SYNPO2: variants seen among roughly 807,000 people sequenced by gnomAD.
The protein encoded by SYNPO2 is synaptopodin-2.
Under a neutral mutation model 85.0 loss-of-function variants are expected in SYNPO2, and 56 were observed. The observed-to-expected ratio is 0.66, with a 90% CI of 0.53 to 0.82. SYNPO2 has a LOEUF of 0.82. Ranked by LOEUF, SYNPO2 falls within the 40% of genes least tolerant of loss-of-function variation. The pLI is 0.00. For missense variants in SYNPO2, 1,575 were observed against 1,534.2 expected (o/e 1.03, Z -0.44); for synonymous variants, 602 against 591.1 (o/e 1.02, Z -0.27).
intron 1 of SYNPO2, among the ~76,000 whole-genome samples, chr4:118,862,535 A>T (rs1202616771): frequency 1.3e-5 from 2 of 152,200 alleles, no homozygotes; most frequent in Non-Finnish European, 2.9e-5. Flanking sequence ...TTTATCATGA[A>T]GGGATGTTGA....
At chr4:119,006,063 AAGCTGCAGCT>A (rs1208028330) in intron 1 of SYNPO2, 1 of 153,116 alleles carries the variant, frequency 6.5e-6, no homozygotes, top group Admixed American at 6.5e-5. Flanking sequence ...TAGCAACAGG[AAGCTGCAGCT>A]CACCCAGGCC....
chr4:119,010,805 T>C (rs577998526), intron 1 of SYNPO2, among the ~76,000 whole-genome samples: 95 of 152,182 alleles, frequency 6.2e-4, no homozygotes, highest in Non-Finnish European at 1.1e-3. Context: ...TCAGTTAATA[T>C]ATAGTATAAT....
rs202207169 is a variant in SYNPO2 at position 119,026,870 on chromosome 4, T to C, written c.501T>C (p.Ala167=). The change falls in exon 3 of 5, where the codon GCT becomes GCC. Residue 167 remains alanine, a synonymous_variant. Coordinates refer to ENST00000307142, the MANE Select transcript of SYNPO2 (RefSeq NM_133477.3). ...KEETGPSYQR[A]PQMPDSQRGR... Reference sequence around the variant, plus strand: ...AAACAGGCCCGAGCTACCAAAGGGCTCCCCAAATGCCTGACTCCCAAAGAG... The same window carrying C: ...AAACAGGCCCGAGCTACCAAAGGGCCCCCCAAATGCCTGACTCCCAAAGAG... 1.2e-6 allele frequency: 2 copies of C among 1,613,918 alleles called. No individual in the cohort carries two copies. Among genetic ancestry groups the C allele is most frequent in the Middle Eastern group, 1.6e-4 (1 of 6,062 alleles).
At chr4:118,954,651 G>A (rs1209356236) in intron 1 of SYNPO2, among the ~76,000 whole-genome samples, 1 of 94,876 alleles carries the variant, frequency 1.1e-5, no homozygotes, top group African/African-American at 3.4e-5. Context: ...AAATCGACTG[G>A]TTAGTTGATC....
intron 4 of SYNPO2, chr4:119,042,834 G>T (rs1304296661): frequency 6.6e-6 from 1 of 152,194 alleles, no homozygotes; most frequent in Non-Finnish European, 1.5e-5. Flanking sequence ...AAAACTTTGA[G>T]GCACTAAAGT....
chr4:118,987,556 T>A (rs887797323), intron 1 of SYNPO2, among the ~76,000 whole-genome samples: 1 of 151,874 alleles, frequency 6.6e-6, no homozygotes, highest in African/African-American at 2.4e-5. Context: ...TCCCAGATAT[T>A]TGGGAGGCTA....
rs551284841 is a variant in SYNPO2, at chr4:119,034,971, C to A, written c.3252+2944C>A. On this transcript the variant is annotated intron_variant, in intron 4 of 4. Coordinates refer to ENST00000307142, the MANE Select transcript of SYNPO2 (RefSeq NM_133477.3). Reference sequence around the variant, plus strand: ...GGCAGTTTTTGTTTAGTTTTTAGGACTTTGCCTCTTCCTTTGTCCTTAGCA... The same window carrying A: ...GGCAGTTTTTGTTTAGTTTTTAGGAATTTGCCTCTTCCTTTGTCCTTAGCA... 10 of 985,410 alleles carry A rather than the reference C, an allele frequency of 1.0e-5. No homozygotes were observed. In the Admixed American group the frequency reaches 5.5e-4, roughly 54 times the overall value. The allele number at this position is 985,410 out of a possible 1,614,324, so 61.0% of individuals were successfully genotyped here.
chr4:119,050,269 T>G (rs1010056269), intron 4 of SYNPO2, among the ~76,000 whole-genome samples: 1 of 151,656 alleles, frequency 6.6e-6, no homozygotes, highest in African/African-American at 2.4e-5. Context: ...GAGGCAGAGG[T>G]TGCAGTGAGC....
chr4:118,964,883 AC>A (rs1335417123), intron 1 of SYNPO2, among the ~76,000 whole-genome samples: 2 of 152,336 alleles, frequency 1.3e-5, no homozygotes, highest in East Asian at 3.9e-4. Context: ...TATGTGGAAT[AC>A]ATAGTGTGTC....
intron 4 of SYNPO2, chr4:119,037,705 T>C (rs1008053723): frequency 9.4e-6 from 9 of 961,216 alleles, no homozygotes; most frequent in African/African-American, 1.8e-5. Flanking sequence ...TTTACATAAG[T>C]TTTGATAATA....
chr4:119,024,864 A>C (rs1434893223), intron 2 of SYNPO2, among the ~76,000 whole-genome samples: 4 of 152,174 alleles, frequency 2.6e-5, no homozygotes. Flanking sequence ...TCAGTAGAGG[A>C]CAAGTGTTTT....
At position 118,988,679 on chromosome 4, in the gene SYNPO2, T is replaced by C. The variant is rs144544387; in HGVS notation, c.106-34751T>C. 4.3e-3 allele frequency among the ~76,000 whole-genome samples: 653 copies of C among 152,328 alleles called. 5 individuals are homozygous for C. The highest frequency in any genetic ancestry group is 9.9e-3 in the South Asian group (48 of 4,828). On this transcript the variant is annotated intron_variant, in intron 1 of 4. Coordinates refer to ENST00000307142, the MANE Select transcript of SYNPO2 (RefSeq NM_133477.3). ...AGCTTTCATTTTGGGAGGAATTCAA[T>C]TGACATTATGATGAGGAGTTTCAGG...
At chr4:118,910,422 A>G (rs1302812343) in intron 1 of SYNPO2, among the ~76,000 whole-genome samples, 1 of 152,170 alleles carries the variant, frequency 6.6e-6, no homozygotes, top group Admixed American at 6.5e-5. Context: ...GGGAATTTCC[A>G]TTTTTACAGC....
At chr4:118,890,167 G>GTT (rs397958530) in intron 1 of SYNPO2, among the ~76,000 whole-genome samples, 1 of 134,766 alleles carries the variant, frequency 7.4e-6, no homozygotes, top group Admixed American at 7.4e-5. Flanking sequence ...TGCCTTTTAC[G>GTT]TTTTTTTTTT....
chr4:118,874,864 T>TC (rs1426538558), intron 1 of SYNPO2, among the ~76,000 whole-genome samples: 3 of 152,216 alleles, frequency 2.0e-5, no homozygotes, highest in African/African-American at 7.2e-5. Flanking sequence ...TGTAGTTTTT[T>TC]CCAACTTTTT....
At chr4:118,880,002 G>T (rs775633060) in intron 1 of SYNPO2, among the ~76,000 whole-genome samples, 1 of 152,038 alleles carries the variant, frequency 6.6e-6, no homozygotes, top group Non-Finnish European at 1.5e-5. Flanking sequence ...TCTCTCAACG[G>T]TGCTCCCCTT....
rs1553945968 is a variant in SYNPO2 at position 119,007,263 on chromosome 4, T to TATATGTATATACATATATATGTATATAC, written c.106-16163_106-16162insGTATATACATATATATGTATATACATAT. Among the ~76,000 whole-genome samples the TATATGTATATACATATATATGTATATAC allele has an allele frequency of 2.9e-3, 226 of 77,774 alleles. 12 individuals are homozygous for TATATGTATATACATATATATGTATATAC. Among genetic ancestry groups the TATATGTATATACATATATATGTATATAC allele is most frequent in the South Asian group, 0.021 (51 of 2,456 alleles). 51.0% of individuals were successfully genotyped at this position (77,774 alleles called of 152,430 possible). ...ATATATATGTATATACATATATATA[T>TATATGTATATACATATATATGTATATAC]ATATATATATATGTATATACATATA... is the stretch of plus-strand genomic sequence containing the variant. On this transcript the variant is annotated intron_variant, in intron 1 of 4. Transcript: ENST00000307142.
intron 1 of SYNPO2, among the ~76,000 whole-genome samples, chr4:118,876,519 C>A (rs1432039314): frequency 6.6e-6 from 1 of 152,168 alleles, no homozygotes; most frequent in African/African-American, 2.4e-5. Flanking sequence ...GCCAAGGAGG[C>A]ATCTTTCCTT....
At chr4:119,009,632 C>G (rs1737213898) in intron 1 of SYNPO2, among the ~76,000 whole-genome samples, 1 of 152,104 alleles carries the variant, frequency 6.6e-6, no homozygotes, top group Non-Finnish European at 1.5e-5. Context: ...CTCAGAATCA[C>G]CCGGGGAAGC....
Sources: gnomAD v4.1 joint callset for allele counts (sites outside exome capture counted in the v4.1 genomes callset) on GRCh38, gnomAD v4.1.1 for gene constraint, MANE v1.5 for transcripts, NCBI Gene and HGNC (gene_info 2026-07-23, HGNC 2026-07-21) for gene names.